Variants in ATP8A2 observed in about 807,000 individuals in gnomAD.
ATP8A2 encodes the protein ATPase phospholipid transporting 8A2.
In ATP8A2, 100 loss-of-function variants were observed where a neutral mutation model predicts 165.6. The ratio of observed to expected loss-of-function variants is 0.60; its 90% confidence interval spans 0.51 to 0.71. The LOEUF (loss-of-function observed/expected upper bound fraction) is 0.71. ATP8A2 is among the 30% of genes least tolerant of loss of function. The pLI, the probability that ATP8A2 is intolerant of heterozygous loss-of-function variation, is 0.00. For synonymous variants in ATP8A2, 543 were observed against 548.8 expected (o/e 0.99, Z 0.15); for missense variants, 1,227 against 1,479.5 (o/e 0.83, Z 2.80).
At chr13:25,698,421 C>T (rs2208930) in intron 24 of ATP8A2, among the ~76,000 whole-genome samples, 19,677 of 151,904 alleles carry the variant, frequency 0.13, 1,449 homozygotes, top group Admixed American at 0.2. Context: ...TTCGTAGAGA[C>T]GGGGTTTCTC....
intron 28 of ATP8A2, among the ~76,000 whole-genome samples, chr13:25,829,668 GTA>G (rs71080203): frequency 4.2e-3 from 263 of 63,114 alleles, no homozygotes; most frequent in African/African-American, 7.4e-3. Flanking sequence ...GACAGGTGTG[GTA>G]TATATATATA....
intron 6 of ATP8A2, among the ~76,000 whole-genome samples, chr13:25,533,735 G>A (rs1322773843): frequency 6.6e-6 from 1 of 152,176 alleles, no homozygotes; most frequent in African/African-American, 2.4e-5. Context: ...TTCTAGCACA[G>A]CAGTTAGCTG....
chr13:25,884,373 C>T (rs958421886), intron 33 of ATP8A2, among the ~76,000 whole-genome samples: 10 of 152,186 alleles, frequency 6.6e-5, no homozygotes, highest in African/African-American at 1.7e-4. Flanking sequence ...ACCACCCACA[C>T]GCCCCACTCC....
chr13:25,627,791 T>G (rs544099805), intron 24 of ATP8A2, among the ~76,000 whole-genome samples: 1 of 152,308 alleles, frequency 6.6e-6, no homozygotes, highest in Non-Finnish European at 1.5e-5. Context: ...AATGCATCAT[T>G]TGGTGAGGCC....
chr13:25,666,192 C>T (rs534496192), intron 24 of ATP8A2, among the ~76,000 whole-genome samples: 3 of 151,644 alleles, frequency 2.0e-5, no homozygotes, highest in Admixed American at 6.6e-5. Flanking sequence ...TTTATTAATT[C>T]GTCATTTATT....
At chr13:25,558,937 C>A in intron 13 of ATP8A2, 36 bp from the exon 14 acceptor site, 2 of 1,403,342 alleles carry the variant, frequency 1.4e-6, no homozygotes, top group Non-Finnish European at 2.0e-6. Context: ...CATCTCAATA[C>A]TTCCTGATGT....
intron 18 of ATP8A2, 199 bp downstream of exon 18, chr13:25,571,891 A>G (rs1242452873): frequency 1.2e-5 from 7 of 606,026 alleles, no homozygotes; most frequent in Non-Finnish European, 2.1e-5. Flanking sequence ...CCCCTTCAAG[A>G]TGCTTTTCCA....
At chr13:25,825,009 G>C (rs1004735016) in intron 27 of ATP8A2, among the ~76,000 whole-genome samples, 4 of 151,666 alleles carry the variant, frequency 2.6e-5, no homozygotes, top group African/African-American at 9.7e-5. Flanking sequence ...TTTTTACTTG[G>C]TTTAATCTGT....
chr13:25,444,656 T>G (rs1163196759), intron 1 of ATP8A2, among the ~76,000 whole-genome samples: 1 of 152,038 alleles, frequency 6.6e-6, no homozygotes, highest in Non-Finnish European at 1.5e-5. Flanking sequence ...TTGTTTTGTT[T>G]TGTTTTTGAG....
intron 1 of ATP8A2, among the ~76,000 whole-genome samples, chr13:25,421,208 ATACT>A (rs1407621923): frequency 3.9e-5 from 6 of 152,364 alleles, no homozygotes; most frequent in South Asian, 4.1e-4. Flanking sequence ...GGATAACCAG[ATACT>A]TACTTAGGAG....
intron 24 of ATP8A2, among the ~76,000 whole-genome samples, chr13:25,634,208 C>T (rs2041315561): frequency 6.6e-6 from 1 of 152,118 alleles, no homozygotes; most frequent in Non-Finnish European, 1.5e-5. Context: ...TTTCAGGAGA[C>T]AGCATCTCAA....
chr13:25,913,014 C>G (rs952449434), intron 33 of ATP8A2, among the ~76,000 whole-genome samples: 3 of 152,180 alleles, frequency 2.0e-5, no homozygotes, highest in African/African-American at 7.2e-5. Context: ...ATCATCCCTA[C>G]GTGTAGGTTC....
intron 33 of ATP8A2, among the ~76,000 whole-genome samples, chr13:25,949,179 G>A (rs1194239587): frequency 6.6e-6 from 1 of 152,216 alleles, no homozygotes; most frequent in African/African-American, 2.4e-5. Context: ...AAATGAAATG[G>A]TGTCTGTCTG....
chr13:25,512,642 C>T (rs1032111636), intron 2 of ATP8A2, among the ~76,000 whole-genome samples: 2 of 141,658 alleles, frequency 1.4e-5, no homozygotes, highest in South Asian at 2.3e-4. Context: ...GGGGGCTGAC[C>T]CCCCACCTCC....
chr13:25,376,454 A>C (rs6491041), intron 1 of ATP8A2, among the ~76,000 whole-genome samples: 28 of 152,286 alleles, frequency 1.8e-4, no homozygotes, highest in African/African-American at 6.7e-4. Flanking sequence ...AGGGGTTAAA[A>C]CCCCAGAATT....
intron 33 of ATP8A2, among the ~76,000 whole-genome samples, chr13:25,874,699 G>A (rs898289716): frequency 2.0e-5 from 3 of 152,094 alleles, no homozygotes; most frequent in Non-Finnish European, 4.4e-5. Context: ...ATATAATTTG[G>A]TTACCCCACT....
At chr13:25,768,955 T>G in intron 25 of ATP8A2, 91 bp from the exon 26 acceptor site, 1 of 1,243,042 alleles carries the variant, frequency 8.0e-7, no homozygotes, top group South Asian at 1.2e-5. Flanking sequence ...GATCGTCCAG[T>G]AACTGTCCTT....
chr13:25,616,022 TG>T (rs911142125), intron 24 of ATP8A2, among the ~76,000 whole-genome samples: 1 of 152,168 alleles, frequency 6.6e-6, no homozygotes, highest in Non-Finnish European at 1.5e-5. Flanking sequence ...CATGCTGCTT[TG>T]TTTGTCCAAG....
chr13:25,657,820 C>T (rs1051868855), intron 24 of ATP8A2, among the ~76,000 whole-genome samples: 1 of 152,184 alleles, frequency 6.6e-6, no homozygotes, highest in African/African-American at 2.4e-5. Flanking sequence ...TAATTTAGTA[C>T]ATATTTTCTC....
Sources: allele counts gnomAD v4.1 joint callset (sites outside exome capture counted in the v4.1 genomes callset), GRCh38; gene constraint gnomAD v4.1.1; transcripts MANE v1.5; gene names NCBI Gene and HGNC (gene_info 2026-07-23, HGNC 2026-07-21).